MRPL48: variants seen among roughly 807,000 people sequenced by gnomAD.
The protein encoded by MRPL48 is large ribosomal subunit protein mL48.
A neutral mutation model predicts 32.9 loss-of-function variants in MRPL48; 16 were observed. The observed-to-expected ratio is 0.49, with a 90% CI of 0.33 to 0.74. The LOEUF is 0.74. Ranked by LOEUF, MRPL48 falls within the 30% of genes least tolerant of loss-of-function variation. The probability of loss-of-function intolerance (pLI) is 0.02; values close to 1 mark genes in which losing one functional copy is unlikely to be tolerated. For missense variants in MRPL48, 206 were observed against 245.3 expected (o/e 0.84, Z 1.07); for synonymous variants, 94 against 89.2 (o/e 1.05, Z -0.31).
Position 73,805,035 on chromosome 11 carries a change from C to A in MRPL48, c.30C>A (p.Cys10Ter). 1 of 1,590,738 alleles carries A rather than the reference C, an allele frequency of 6.3e-7. No individual in the cohort carries two copies. Among genetic ancestry groups the A allele is most frequent in the Non-Finnish European group, 8.6e-7 (1 of 1,167,586 alleles). ...TGGCTGTTTTGCTGTAGGTGCTGTG[C>A]CTGAGGAACAATACCATTTTTAAGC... MSGTLEKVL[C>*]LRNNTIFKQA... The change falls in exon 2 of 8, where the codon TGC becomes TGA. Residue 10 changes from cysteine (C) to a stop codon, truncating the protein, a stop_gained. Transcript: ENST00000310614. LOFTEE classifies it high-confidence loss of function.
At chr11:73,790,012 C>T (rs978090991) in intron 1 of MRPL48, among the ~76,000 whole-genome samples, 5 of 151,616 alleles carry the variant, frequency 3.3e-5, no homozygotes, top group African/African-American at 1.2e-4. Flanking sequence ...TCTTTTCACT[C>T]AGCCTCATGA....
At chr11:73,832,348 C>G (rs1340956708) in intron 4 of MRPL48, 1 of 152,132 alleles carries the variant, frequency 6.6e-6, no homozygotes, top group Non-Finnish European at 1.5e-5. Flanking sequence ...GTTGTAGCAC[C>G]CATAATAGAT....
rs1947536869 is a variant in MRPL48 at position 73,809,972 on chromosome 11, T to C, written c.112+1622T>C. Among the ~76,000 whole-genome samples the C allele has an allele frequency of 2.6e-5, 4 of 152,228 alleles. No homozygotes were observed. In the South Asian group the frequency reaches 8.3e-4, roughly 32 times the overall value. On this transcript the variant is annotated intron_variant, in intron 3 of 7. Transcript: ENST00000310614. ...CATCTCAAAATAATGGGCTTCTTTT[T>C]ATTTATACATTCTCTTGACAAACAT...
intron 3 of MRPL48, among the ~76,000 whole-genome samples, chr11:73,818,173 G>A (rs1392833031): frequency 6.6e-6 from 1 of 152,114 alleles, no homozygotes; most frequent in East Asian, 1.9e-4. Context: ...GAAAGGAAGA[G>A]TAGGGAAAGT....
In MRPL48 at chr11:73,864,617, G is replaced by A. The variant is rs903815101; in HGVS notation, c.*247G>A. On this transcript the variant is annotated 3_prime_UTR_variant, in exon 8 of 8. Transcript: ENST00000310614. ...GCTGCAGATGTGTATATGTATGTGT[G>A]TGTGAGAGAGAGAAATTGGCCCATC... 1 of 502,558 alleles carries A rather than the reference G, an allele frequency of 2.0e-6. No individual in the cohort carries two copies. The highest frequency in any genetic ancestry group is 3.1e-5 in the Admixed American group (1 of 32,078). The allele number at this position is 502,558 out of a possible 1,614,324, so 31.1% of individuals were successfully genotyped here. A position where few individuals can be genotyped will look rare whatever the true frequency, so the allele number is the denominator to read the frequency against.
intron 4 of MRPL48, chr11:73,832,401 C>T (rs1948012612): frequency 6.6e-6 from 1 of 152,226 alleles, no homozygotes; most frequent in African/African-American, 2.4e-5. Context: ...TGGAATCATT[C>T]CCAGATAAAT....
intron 4 of MRPL48, among the ~76,000 whole-genome samples, chr11:73,836,050 C>T (rs768768983): frequency 1.4e-4 from 21 of 151,822 alleles, no homozygotes; most frequent in Admixed American, 2.6e-4. Flanking sequence ...TCTTGTGCCT[C>T]GGTTTCCTGA....
At chr11:73,827,666 G>A (rs768212319) in intron 4 of MRPL48, among the ~76,000 whole-genome samples, 4 of 152,020 alleles carry the variant, frequency 2.6e-5, no homozygotes, top group Non-Finnish European at 4.4e-5. Context: ...ATGCTCCCAC[G>A]CAACCACACA....
chr11:73,816,352 G>C (rs559005853), intron 3 of MRPL48, among the ~76,000 whole-genome samples: 13 of 120,156 alleles, frequency 1.1e-4, no homozygotes, highest in African/African-American at 4.1e-4. Flanking sequence ...GAGCCACCGT[G>C]CCCGGCCGGA....
Position 73,787,882 on chromosome 11 carries a change from CG to C in MRPL48, c.-89del. 6.6e-7 allele frequency: 1 copy of C among 1,514,478 alleles called. No homozygotes were observed. Among genetic ancestry groups the C allele is most frequent in the Non-Finnish European group, 8.9e-7 (1 of 1,118,188 alleles). The allele number at this position is 1,514,478 out of a possible 1,614,324, so 93.8% of individuals were successfully genotyped here. The stretch of plus-strand genomic sequence containing the variant: ...TATTGCTGCTGCACCTGGTCAAGGC[CG>C]TTCCTTCAGTGTTTTCAGACGCCCT... On this transcript the variant is annotated 5_prime_UTR_variant, in exon 1 of 8. Coordinates refer to ENST00000310614, the MANE Select transcript of MRPL48 (RefSeq NM_016055.6).
At position 73,863,219 on chromosome 11, in the gene MRPL48, C is replaced by G. The variant is rs1257033226; in HGVS notation, c.522C>G (p.Ile174Met). 1 of 1,578,604 alleles carries G rather than the reference C, an allele frequency of 6.3e-7. No individual in the cohort carries two copies. The highest frequency in any genetic ancestry group is 8.6e-7 in the Non-Finnish European group (1 of 1,161,710). Reference sequence around the variant, plus strand: ...TTGCAGAAATTTTCTTGGAAATAATCCAAAGCAGTCTTCCTGAAGGAGTCA... The same window carrying G: ...TTGCAGAAATTTTCTTGGAAATAATGCAAAGCAGTCTTCCTGAAGGAGTCA... The part of the protein sequence containing the change: ...ATFAEIFLEI[I>M]QSSLPEGVRL... Residue 174 changes from isoleucine (I) to methionine (M), a missense_variant, in exon 7 of 8, where the codon ATC becomes ATG. Ile to Met is a conservative substitution (Grantham distance 10). Coordinates refer to ENST00000310614, the MANE Select transcript of MRPL48 (RefSeq NM_016055.6).
intron 1 of MRPL48, among the ~76,000 whole-genome samples, chr11:73,788,649 T>G (rs969832594): frequency 1.3e-5 from 2 of 151,944 alleles, no homozygotes; most frequent in African/African-American, 4.8e-5. Flanking sequence ...AATTTTTGTA[T>G]TTTTAGTAGA....
chr11:73,804,968 G>C, intron 1 of MRPL48, 59 bp from the exon 2 acceptor site: 1 of 1,503,500 alleles, frequency 6.7e-7, no homozygotes, highest in Non-Finnish European at 9.1e-7. Flanking sequence ...TCTCTGAGAA[G>C]ACATACTTGG....
intron 4 of MRPL48, among the ~76,000 whole-genome samples, chr11:73,835,691 G>A (rs1204123167): frequency 6.6e-6 from 1 of 152,024 alleles, no homozygotes; most frequent in Non-Finnish European, 1.5e-5. Context: ...CTGAGTTCAG[G>A]AGTTTGAGAC....
At chr11:73,827,081 T>C (rs1407564425) in intron 4 of MRPL48, among the ~76,000 whole-genome samples, 2 of 151,996 alleles carry the variant, frequency 1.3e-5, no homozygotes, top group African/African-American at 2.4e-5. Context: ...TGGCCTCTTA[T>C]TGTATTTTCA....
chr11:73,855,175 T>C (rs548702636), intron 5 of MRPL48, among the ~76,000 whole-genome samples: 2 of 152,214 alleles, frequency 1.3e-5, no homozygotes, highest in African/African-American at 4.8e-5. Flanking sequence ...AAACCTACTT[T>C]TTTTCCTAAT....
rs181916605 is a variant in MRPL48 at position 73,832,863 on chromosome 11, T to C, written c.201+7067T>C. ...AAAAACCATAATTGAGCATCTACTA[T>C]ATGCCATGCATTGTGCTGAGTATCC... On this transcript the variant is annotated intron_variant, in intron 4 of 7. Coordinates refer to ENST00000310614, the MANE Select transcript of MRPL48 (RefSeq NM_016055.6). Among the ~76,000 whole-genome samples the C allele has an allele frequency of 8.5e-5, 13 of 152,312 alleles. No individual in the cohort carries two copies. The East Asian group carries it at 2.1e-3, about 25-fold the overall frequency.
Position 73,787,879 on chromosome 11 carries a change from G to T in MRPL48, c.-93G>T, listed in dbSNP as rs1015554702. 4.7e-6 allele frequency: 7 copies of T among 1,505,360 alleles called. No individual in the cohort carries two copies. In the African/African-American group the frequency reaches 8.4e-5, roughly 18 times the overall value. 93.3% of individuals were successfully genotyped at this position (1,505,360 alleles called of 1,614,324 possible). ...GGATATTGCTGCTGCACCTGGTCAA[G>T]GCCGTTCCTTCAGTGTTTTCAGACG... On this transcript the variant is annotated 5_prime_UTR_variant, in exon 1 of 8. The change creates a new upstream start codon in the 5' untranslated region. Coordinates refer to ENST00000310614, the MANE Select transcript of MRPL48 (RefSeq NM_016055.6).
intron 4 of MRPL48, among the ~76,000 whole-genome samples, chr11:73,838,170 A>G (rs1948136152): frequency 1.3e-5 from 2 of 152,194 alleles, no homozygotes; most frequent in Non-Finnish European, 2.9e-5. Context: ...TATCTTTAAT[A>G]GTTCCTCATG....
Sources: gnomAD v4.1 joint callset for allele counts (sites outside exome capture counted in the v4.1 genomes callset) on GRCh38, gnomAD v4.1.1 for gene constraint, MANE v1.5 for transcripts, NCBI Gene and HGNC (gene_info 2026-07-23, HGNC 2026-07-21) for gene names.